GALNT13: variants seen among roughly 807,000 people sequenced by gnomAD.
GALNT13 encodes the protein polypeptide N-acetylgalactosaminyltransferase 13, also known as UDP-GalNAc:polypeptide N-acetylgalactosaminyltransferase 13.
Under a neutral mutation model 64.2 loss-of-function variants are expected in GALNT13, and 28 were observed. That is an observed-to-expected ratio of 0.44 (90% CI 0.32 to 0.60). The LOEUF is 0.60. Among genes scored for constraint, GALNT13 ranks in the 20% least tolerant of loss-of-function variants. The pLI, the probability that GALNT13 is intolerant of heterozygous loss-of-function variation, is 0.05. For synonymous variants in GALNT13, 214 were observed against 224.6 expected, an observed-to-expected ratio of 0.95 and a Z score of 0.42; for missense variants, 577 against 669.8, an observed-to-expected ratio of 0.86 and a Z score of 1.53.
chr2:153,976,448 T>C (rs1246596404), intron 3 of GALNT13, among the ~76,000 whole-genome samples: 1 of 152,128 alleles, frequency 6.6e-6, no homozygotes, highest in African/African-American at 2.4e-5. Context: ...TTTCAAGCCT[T>C]ATAATAAAAT....
the GALNT13 span, among the ~76,000 whole-genome samples, chr2:153,313,856 C>A: frequency 1.3e-5 from 2 of 152,054 alleles, no homozygotes; most frequent in Non-Finnish European, 2.9e-5. Context: ...AACTTAGAGG[C>A]TTAAAATGTT....
the GALNT13 span, among the ~76,000 whole-genome samples, chr2:153,651,274 C>A: frequency 2.0e-4 from 31 of 152,172 alleles, 1 homozygote; most frequent in South Asian, 4.4e-3. Flanking sequence ...GAATCAAAGT[C>A]ATAGAATAAA....
chr2:153,590,833 C>T, the GALNT13 span, among the ~76,000 whole-genome samples: 1 of 151,988 alleles, frequency 6.6e-6, no homozygotes, highest in African/African-American at 2.4e-5. Flanking sequence ...TAATAATTGC[C>T]ATATATGACA....
At chr2:153,693,030 A>T in the GALNT13 span, among the ~76,000 whole-genome samples, 13 of 152,198 alleles carry the variant, frequency 8.5e-5, no homozygotes, top group Non-Finnish European at 1.8e-4. Flanking sequence ...TTTTAATACT[A>T]GAGGCAATAT....
intron 3 of GALNT13, among the ~76,000 whole-genome samples, chr2:154,008,098 T>A (rs556964262): frequency 1.3e-5 from 2 of 152,312 alleles, no homozygotes; most frequent in African/African-American, 4.8e-5. Context: ...TTGGGTCAAC[T>A]AAAATTTTTC....
intron 1 of GALNT13, among the ~76,000 whole-genome samples, chr2:153,894,335 C>G (rs1687752056): frequency 6.6e-6 from 1 of 152,060 alleles, no homozygotes; most frequent in African/African-American, 2.4e-5. Flanking sequence ...AATGCAACAA[C>G]ATGGCACCTA....
At chr2:153,683,809 T>C in the GALNT13 span, among the ~76,000 whole-genome samples, 1 of 151,714 alleles carries the variant, frequency 6.6e-6, no homozygotes, top group Non-Finnish European at 1.5e-5. Flanking sequence ...GAGTAACTAC[T>C]TCTTCTAGGA....
intron 3 of GALNT13, among the ~76,000 whole-genome samples, chr2:154,062,018 T>G (rs1700214061): frequency 1.3e-5 from 2 of 152,200 alleles, no homozygotes; most frequent in African/African-American, 2.4e-5. Context: ...TTTTTTAACT[T>G]TCTTGAAAAT....
chr2:153,720,837 G>A, the GALNT13 span, among the ~76,000 whole-genome samples: 4 of 150,304 alleles, frequency 2.7e-5, no homozygotes, highest in African/African-American at 9.7e-5. Flanking sequence ...ACGTCTGACT[G>A]GTGTACCTGA....
rs552972684 is a variant in GALNT13 at position 154,173,396 on chromosome 2, A to G, written c.311+32891A>G. Among the ~76,000 whole-genome samples, 236 of 151,786 alleles carry G rather than the reference A, an allele frequency of 1.6e-3. 1 individual carries two copies. The highest frequency in any genetic ancestry group is 5.1e-3 in the African/African-American group (213 of 41,532). ...TTTTAAATTAAATTAAATTAAATTAATAGATTGAATTAAAGACTTAAATCT... is the reference window on the plus strand; with the variant it reads ...TTTTAAATTAAATTAAATTAAATTAGTAGATTGAATTAAAGACTTAAATCT... On this transcript the variant is annotated intron_variant, in intron 4 of 12. Transcript: ENST00000392825.
chr2:153,595,246 G>A, the GALNT13 span, among the ~76,000 whole-genome samples: 4 of 151,718 alleles, frequency 2.6e-5, no homozygotes, highest in African/African-American at 9.7e-5. Flanking sequence ...AAACTTCAAT[G>A]TAATTTGATG....
the GALNT13 span, among the ~76,000 whole-genome samples, chr2:153,693,513 A>T: frequency 6.6e-6 from 1 of 152,130 alleles, no homozygotes; most frequent in Non-Finnish European, 1.5e-5. Context: ...CAATTGATTT[A>T]AAGGTTTATT....
the GALNT13 span, among the ~76,000 whole-genome samples, chr2:153,652,039 A>G: frequency 6.6e-6 from 1 of 152,164 alleles, no homozygotes; most frequent in Admixed American, 6.6e-5. Flanking sequence ...AGAACTCAGG[A>G]TAGAGCAGCA....
the GALNT13 span, among the ~76,000 whole-genome samples, chr2:153,441,739 C>T: frequency 6.6e-5 from 10 of 152,148 alleles, no homozygotes; most frequent in Non-Finnish European, 1.2e-4. Flanking sequence ...CATGACTTGA[C>T]TCTCTGCTTG....
chr2:153,437,507 C>T, the GALNT13 span, among the ~76,000 whole-genome samples: 1 of 152,108 alleles, frequency 6.6e-6, no homozygotes, highest in Admixed American at 6.6e-5. Flanking sequence ...AATCTGGGTG[C>T]TCCTGTATTG....
the GALNT13 span, among the ~76,000 whole-genome samples, chr2:153,323,559 T>C: frequency 2.6e-5 from 4 of 152,228 alleles, no homozygotes; most frequent in Non-Finnish European, 4.4e-5. Flanking sequence ...CATGAAGTCT[T>C]TGCCCATGCC....
intron 4 of GALNT13, among the ~76,000 whole-genome samples, chr2:154,142,000 A>C (rs1432881525): frequency 1.3e-5 from 2 of 152,130 alleles, no homozygotes; most frequent in Non-Finnish European, 2.9e-5. Flanking sequence ...CGTAAAACAA[A>C]CTCTTGGCAT....
chr2:153,737,080 T>G, the GALNT13 span, among the ~76,000 whole-genome samples: 1 of 152,220 alleles, frequency 6.6e-6, no homozygotes, highest in Non-Finnish European at 1.5e-5. Flanking sequence ...CCTGTTTATG[T>G]TCCAGCAGTC....
the GALNT13 span, among the ~76,000 whole-genome samples, chr2:153,353,502 A>G: frequency 6.6e-6 from 1 of 152,076 alleles, no homozygotes; most frequent in African/African-American, 2.4e-5. Context: ...AGGAGTGGTG[A>G]GATGACACAT....
Sources: gnomAD v4.1 joint callset for allele counts (sites outside exome capture counted in the v4.1 genomes callset) on GRCh38, gnomAD v4.1.1 for gene constraint, MANE v1.5 for transcripts, NCBI Gene and HGNC (gene_info 2026-07-23, HGNC 2026-07-21) for gene names.